Variants in NTN4 observed in about 807,000 individuals in gnomAD.
NTN4 encodes the protein netrin 4.
NTN4 carries 32 observed loss-of-function variants against 73.6 expected under a neutral mutation model. The observed-to-expected ratio is 0.44, with a 90% CI of 0.33 to 0.58. NTN4 has a LOEUF of 0.58. NTN4 is among the 20% of genes least tolerant of loss of function. The probability of loss-of-function intolerance (pLI) is 0.04; values close to 1 mark genes in which losing one functional copy is unlikely to be tolerated. For synonymous variants in NTN4, 258 were observed against 287.5 expected, an observed-to-expected ratio of 0.90 and a Z score of 1.04; for missense variants, 654 against 798.3, an observed-to-expected ratio of 0.82 and a Z score of 2.18.
At chr12:95,679,050 G>C (rs553939628) in intron 7 of NTN4, among the ~76,000 whole-genome samples, 1 of 152,246 alleles carries the variant, frequency 6.6e-6, no homozygotes, top group South Asian at 2.1e-4. Context: ...TTAATATATA[G>C]AAAGGTATCT....
intron 5 of NTN4, among the ~76,000 whole-genome samples, chr12:95,685,952 C>T (rs548023065): frequency 3.9e-4 from 60 of 152,054 alleles, no homozygotes; most frequent in African/African-American, 1.4e-3. Flanking sequence ...AATGGCACAT[C>T]ACTGCTCACT....
intron 2 of NTN4, among the ~76,000 whole-genome samples, chr12:95,770,109 C>T (rs971835490): frequency 1.1e-4 from 16 of 152,126 alleles, no homozygotes; most frequent in Admixed American, 2.6e-4. Context: ...TCCACAACGA[C>T]TCAGATATAG....
intron 5 of NTN4, among the ~76,000 whole-genome samples, chr12:95,698,986 TTCTC>T (rs2121046282): frequency 6.6e-6 from 1 of 152,048 alleles, no homozygotes; most frequent in Non-Finnish European, 1.5e-5. Context: ...TTTTCTCTAT[TTCTC>T]TCACTTCTTA....
chr12:95,734,827 G>C (rs2078763332), intron 3 of NTN4, among the ~76,000 whole-genome samples: 1 of 152,140 alleles, frequency 6.6e-6, no homozygotes, highest in South Asian at 2.1e-4. Flanking sequence ...ATCACCTGAG[G>C]TCAGGAGTTC....
intron 5 of NTN4, among the ~76,000 whole-genome samples, chr12:95,698,254 T>A (rs1291563581): frequency 6.6e-6 from 1 of 152,216 alleles, no homozygotes; most frequent in Non-Finnish European, 1.5e-5. Context: ...CATAAAGCTA[T>A]AACTTAGCAC....
Position 95,671,916 on chromosome 12 carries a change from G to A in NTN4, c.1511-1770C>T, listed in dbSNP as rs189846669. 1.3e-5 allele frequency among the ~76,000 whole-genome samples: 2 copies of A among 152,152 alleles called. 1 individual carries two copies. Among genetic ancestry groups the A allele is most frequent in the Admixed American group, 1.3e-4 (2 of 15,296 alleles). On this transcript the variant is annotated intron_variant, in intron 7 of 9. Coordinates refer to ENST00000343702, the MANE Select transcript of NTN4 (RefSeq NM_021229.4). ...TAGGCATTGAGTGGTCATAACAGCA[G>A]CTAGTGCTTACTGAGGAGCACTTAC...
chr12:95,683,771 T>C (rs2078338801), intron 5 of NTN4, 60 bp from the exon 6 acceptor site: 1 of 1,384,164 alleles, frequency 7.2e-7, no homozygotes, highest in Non-Finnish European at 1.0e-6. Context: ...GTGTGAACAT[T>C]AGGCTTGACC....
At position 95,733,180 on chromosome 12, in the gene NTN4, T is replaced by C. The variant is rs557379320; in HGVS notation, c.864+4686A>G. On this transcript the variant is annotated intron_variant, in intron 3 of 9. Coordinates refer to ENST00000343702, the MANE Select transcript of NTN4 (RefSeq NM_021229.4). ...ATGAAACATTCCATATTCCCTCTTA[T>C]TACCATTCATCACCCAACAGCTGTA... Among the ~76,000 whole-genome samples, 4 of 152,358 alleles carry C rather than the reference T, an allele frequency of 2.6e-5. No homozygotes were observed. In the South Asian group the frequency reaches 8.3e-4, roughly 32 times the overall value.
chr12:95,751,703 C>A (rs1305758956), intron 2 of NTN4, among the ~76,000 whole-genome samples: 2 of 152,014 alleles, frequency 1.3e-5, no homozygotes, highest in African/African-American at 4.8e-5. Context: ...GGACGCCAAG[C>A]TTCAGGTAAC....
At chr12:95,702,857 G>A (rs200304622) in intron 5 of NTN4, among the ~76,000 whole-genome samples, 3 of 75,514 alleles carry the variant, frequency 4.0e-5, no homozygotes, top group African/African-American at 1.2e-4. Context: ...TTTTTTTTTT[G>A]GTTTTTTTTT....
At chr12:95,777,984 AT>A (rs1352647050) in intron 2 of NTN4, among the ~76,000 whole-genome samples, 11 of 152,264 alleles carry the variant, frequency 7.2e-5, no homozygotes, top group South Asian at 4.1e-4. Context: ...GTGCAATCAA[AT>A]TAGAACTCAG....
intron 2 of NTN4, among the ~76,000 whole-genome samples, chr12:95,758,779 G>T (rs1167617964): frequency 6.6e-6 from 1 of 152,092 alleles, no homozygotes; most frequent in Admixed American, 6.6e-5. Flanking sequence ...TGCCCAGGCT[G>T]GTCTCAAACT....
intron 3 of NTN4, among the ~76,000 whole-genome samples, chr12:95,717,301 C>A (rs1163143912): frequency 2.0e-5 from 3 of 152,126 alleles, no homozygotes; most frequent in Non-Finnish European, 4.4e-5. Flanking sequence ...AATCTCAGGC[C>A]TCAGGAGTCC....
At chr12:95,676,099 TTC>T (rs2078271306) in intron 7 of NTN4, among the ~76,000 whole-genome samples, 1 of 152,138 alleles carries the variant, frequency 6.6e-6, no homozygotes, top group African/African-American at 2.4e-5. Flanking sequence ...TAAACAAATA[TTC>T]TTTTTTGTTT....
At chr12:95,768,119 T>C (rs1250285139) in intron 2 of NTN4, among the ~76,000 whole-genome samples, 1 of 152,162 alleles carries the variant, frequency 6.6e-6, no homozygotes, top group African/African-American at 2.4e-5. Flanking sequence ...GCAATAGCTA[T>C]TGAATATGTC....
At chr12:95,692,648 A>C (rs2078410051) in intron 5 of NTN4, among the ~76,000 whole-genome samples, 2 of 152,252 alleles carry the variant, frequency 1.3e-5, no homozygotes, top group Non-Finnish European at 2.9e-5. Context: ...ATTTTCAAAT[A>C]TCTTGTGTGT....
intron 2 of NTN4, among the ~76,000 whole-genome samples, chr12:95,747,542 G>A (rs2078871099): frequency 6.6e-6 from 1 of 152,092 alleles, no homozygotes; most frequent in Admixed American, 6.6e-5. Flanking sequence ...GGCCTCAAGA[G>A]ATCTTCCTGC....
chr12:95,746,885 C>T (rs1393538339), intron 2 of NTN4, among the ~76,000 whole-genome samples: 3 of 152,090 alleles, frequency 2.0e-5, no homozygotes, highest in African/African-American at 4.8e-5. Flanking sequence ...GCTGGAAGTT[C>T]AATACTTTAA....
intron 3 of NTN4, among the ~76,000 whole-genome samples, chr12:95,726,984 T>C (rs953881698): frequency 6.6e-6 from 1 of 152,062 alleles, no homozygotes; most frequent in African/African-American, 2.4e-5. Context: ...AAAAAAAATT[T>C]TTTTGGGGAA....
Sources: allele counts gnomAD v4.1 joint callset (sites outside exome capture counted in the v4.1 genomes callset), GRCh38; gene constraint gnomAD v4.1.1; transcripts MANE v1.5; gene names NCBI Gene and HGNC (gene_info 2026-07-23, HGNC 2026-07-21).